The following TRAF2 variants were observed in gnomAD, a reference collection of about 807,000 sequenced individuals.
TRAF2 encodes TNF receptor associated factor 2.
Under a neutral mutation model 55.6 loss-of-function variants are expected in TRAF2, and 6 were observed. The ratio of observed to expected loss-of-function variants is 0.11; its 90% CI spans 0.06 to 0.21. The LOEUF (loss-of-function observed/expected upper bound fraction) is 0.21, where lower values mean the gene tolerates loss of function less well. Among genes scored for constraint, TRAF2 ranks in the 10% least tolerant of loss-of-function variants. TRAF2 has a pLI of 1.00. For synonymous variants in TRAF2, 329 were observed against 276.3 expected (o/e 1.19, Z -1.89); for missense variants, 561 against 684.5 (o/e 0.82, Z 2.01).
intron 6 of TRAF2, among the ~76,000 whole-genome samples, chr9:136,910,310 T>C (rs989160030): frequency 2.0e-5 from 3 of 152,114 alleles, no homozygotes; most frequent in Non-Finnish European, 4.4e-5. Flanking sequence ...ATGTGCTGCT[T>C]ATGAGAAATG....
chr9:136,910,631 CTG>C (rs1564415197), intron 6 of TRAF2, among the ~76,000 whole-genome samples: 1 of 152,224 alleles, frequency 6.6e-6, no homozygotes, highest in Non-Finnish European at 1.5e-5. Flanking sequence ...GGCACCTGCT[CTG>C]TGTGTCAGAG....
chr9:136,897,365 C>T (rs113179433), intron 1 of TRAF2, among the ~76,000 whole-genome samples: 19 of 152,188 alleles, frequency 1.2e-4, no homozygotes, highest in African/African-American at 4.3e-4. Context: ...CTTGGTGGGG[C>T]TTACTGAGTT....
intron 6 of TRAF2, among the ~76,000 whole-genome samples, chr9:136,911,026 C>T (rs1436283244): frequency 1.3e-5 from 2 of 152,202 alleles, no homozygotes; most frequent in Non-Finnish European, 2.9e-5. Flanking sequence ...GCTGGTGGGG[C>T]CTGGAGGTGC....
chr9:136,912,269 T>C, intron 6 of TRAF2, among the ~76,000 whole-genome samples: 1 of 148,388 alleles, frequency 6.7e-6, no homozygotes, highest in Admixed American at 6.8e-5. Flanking sequence ...TTCAAGCAGT[T>C]CTCTGCCTCA....
chr9:136,909,037 C>CA (rs10597975), intron 5 of TRAF2, among the ~76,000 whole-genome samples: 74 of 147,302 alleles, frequency 5.0e-4, no homozygotes, highest in Non-Finnish European at 6.6e-4. Context: ...GACTCTGTCT[C>CA]AAAAAAAAAA....
At chr9:136,900,329 A>G (rs755160527) in intron 3 of TRAF2, 93 bp from the exon 4 acceptor site, 1 of 764,246 alleles carries the variant, frequency 1.3e-6, no homozygotes, top group Non-Finnish European at 2.1e-6. Context: ...GATGTGACGC[A>G]GTATTGGTTG....
chr9:136,898,619 C>T, intron 1 of TRAF2, 94 bp from the exon 2 acceptor site: 2 of 1,529,572 alleles, frequency 1.3e-6, no homozygotes, highest in South Asian at 2.5e-5. Flanking sequence ...GACCCGGCCC[C>T]TCACCATCGC....
chr9:136,916,446 C>A (rs182945563), intron 6 of TRAF2, 95 bp from the exon 7 acceptor site: 2 of 1,303,700 alleles, frequency 1.5e-6, no homozygotes, highest in Admixed American at 3.4e-5. Flanking sequence ...CGGGGCAGGT[C>A]ATGTAACCTC....
intron 1 of TRAF2, chr9:136,889,724 G>C (rs1187650111): frequency 6.6e-6 from 1 of 152,288 alleles, no homozygotes; most frequent in Non-Finnish European, 1.5e-5. Flanking sequence ...CTCCCAAGTA[G>C]CTGGGATTAC....
At chr9:136,893,564 C>T (rs1462772055) in intron 1 of TRAF2, among the ~76,000 whole-genome samples, 2 of 152,176 alleles carry the variant, frequency 1.3e-5, no homozygotes, top group African/African-American at 4.8e-5. Flanking sequence ...GGGCCAGCCC[C>T]ATGGGTCTGC....
At chr9:136,885,038 G>A (rs934805240), upstream of TRAF2, among the ~76,000 whole-genome samples, 12 of 152,212 alleles carry the variant, frequency 7.9e-5, no homozygotes, top group African/African-American at 2.7e-4. Flanking sequence ...AGCAAACTCA[G>A]GGGTGATGAC....
At chr9:136,913,336 C>T (rs975842715) in intron 6 of TRAF2, among the ~76,000 whole-genome samples, 7 of 125,342 alleles carry the variant, frequency 5.6e-5, no homozygotes, top group South Asian at 2.7e-4. Context: ...GTCTCTCTGC[C>T]GCCCAGGCTG....
chr9:136,900,764 C>G (rs1015314925), intron 4 of TRAF2: 3 of 478,750 alleles, frequency 6.3e-6, no homozygotes, highest in Non-Finnish European at 1.2e-5. Context: ...GGTATTTACC[C>G]TCTCTGTGCC....
intron 6 of TRAF2, chr9:136,910,222 G>C: frequency 1.7e-6 from 1 of 588,380 alleles, no homozygotes; most frequent in Non-Finnish European, 3.0e-6. Context: ...ATCCTCCAGT[G>C]TACATAGCTG....
Position 136,896,452 on chromosome 9 carries a change from G to A in TRAF2, c.-28-2261G>A, listed in dbSNP as rs532652807. Reference sequence around the variant, plus strand: ...TCCGCAGCTTCCTGTTGCTACTTGGGAAGCTCCATGTTTGCTGTCCGGTTG... The same window carrying A: ...TCCGCAGCTTCCTGTTGCTACTTGGAAAGCTCCATGTTTGCTGTCCGGTTG... On this transcript the variant is annotated intron_variant, in intron 1 of 10. Transcript: ENST00000247668. Among the ~76,000 whole-genome samples the A allele has an allele frequency of 2.6e-4, 39 of 152,330 alleles. 1 individual carries two copies. In the South Asian group the frequency reaches 6.4e-3, roughly 25 times the overall value.
At position 136,926,153 on chromosome 9, in the gene TRAF2, G is replaced by A. The variant is rs765336014; in HGVS notation, c.*252G>A. 3.3e-5 allele frequency: 22 copies of A among 667,946 alleles called. No individual in the cohort carries two copies. The highest frequency in any genetic ancestry group is 3.0e-4 in the South Asian group (20 of 66,150). 41.4% of individuals were successfully genotyped at this position (667,946 alleles called of 1,614,324 possible). On this transcript the variant is annotated 3_prime_UTR_variant, in exon 11 of 11. Coordinates refer to ENST00000247668, the MANE Select transcript of TRAF2 (RefSeq NM_021138.4). ...AGGGCTGTGGTGGCATTGGCCGAGGGTCTTCGGGTGCTTCCCAGCACAAGC... is the reference window on the plus strand; with the variant it reads ...AGGGCTGTGGTGGCATTGGCCGAGGATCTTCGGGTGCTTCCCAGCACAAGC...
chr9:136,899,276 G>A (rs17250183), intron 2 of TRAF2, among the ~76,000 whole-genome samples: 5,911 of 152,242 alleles, frequency 0.039, 123 homozygotes, highest in Middle Eastern at 0.048. Context: ...TCCTTGCAGC[G>A]AGTGGTCTGA....
At chr9:136,909,870 G>A (rs202114282) in intron 5 of TRAF2, 50 bp from the exon 6 acceptor site, 43 of 1,599,236 alleles carry the variant, frequency 2.7e-5, no homozygotes, top group East Asian at 6.7e-5. Context: ...CCCTCCACCC[G>A]CGCCTGGCAT....
At position 136,890,112 on chromosome 9, in the gene TRAF2, C is replaced by T. The variant is rs559266628; in HGVS notation, c.-29+3571C>T. On this transcript the variant is annotated intron_variant, in intron 1 of 10. Transcript: ENST00000247668. ...CGCACGCTTGTTCAGCCGGTCACCG[C>T]GTGTGAGTCCCCACTGCACGCTCGT... 5.4e-4 allele frequency among the ~76,000 whole-genome samples: 62 copies of T among 114,634 alleles called. 2 individuals carry two copies. Among genetic ancestry groups the T allele is most frequent in the Middle Eastern group, 7.1e-3 (1 of 140 alleles). 75.2% of individuals were successfully genotyped at this position (114,634 alleles called of 152,430 possible).
Sources: allele counts gnomAD v4.1 joint callset (sites outside exome capture counted in the v4.1 genomes callset), GRCh38; gene constraint gnomAD v4.1.1; transcripts MANE v1.5; gene names NCBI Gene and HGNC (gene_info 2026-07-23, HGNC 2026-07-21).